SPATA7: variants seen among roughly 807,000 people sequenced by gnomAD.
SPATA7 encodes the protein spermatogenesis-associated protein 7.
SPATA7 carries 43 observed loss-of-function variants against 51.8 expected under a neutral mutation model. The ratio of observed to expected loss-of-function variants is 0.83; its 90% CI spans 0.65 to 1.07. The LOEUF (loss-of-function observed/expected upper bound fraction) is 1.07, where lower values mean the gene tolerates loss of function less well. Among genes scored for constraint, SPATA7 ranks in the 50% least tolerant of loss-of-function variants. The pLI is 0.00. For missense variants in SPATA7, 683 were observed against 701.3 expected (o/e 0.97, Z 0.30); for synonymous variants, 230 against 252.8 (o/e 0.91, Z 0.86).
At chr14:88,417,156 C>A (rs967632686) in intron 5 of SPATA7, among the ~76,000 whole-genome samples, 1 of 151,462 alleles carries the variant, frequency 6.6e-6, no homozygotes, top group Admixed American at 6.6e-5. Flanking sequence ...GTGATACCTT[C>A]GAACATCTGG....
chr14:88,469,053 C>G lies in SPATA7; in HGVS notation c.255-794C>G. 6.2e-7 allele frequency: 1 copy of G among 1,613,298 alleles called. No homozygotes were observed. Among genetic ancestry groups the G allele is most frequent in the Non-Finnish European group, 8.5e-7 (1 of 1,179,328 alleles). On this transcript the variant is annotated intron_variant, in intron 4 of 4. Transcript: ENST00000556406. This position sits in a 1 kb window ranked among gnomAD's most constrained non-coding sequence, Gnocchi z 4.3. ...CTTGTGCTATTTGTATGGCGTCGAA[C>G]AGACTGGATCTCTTCAAGATATGCT...
intron 3 of SPATA7, among the ~76,000 whole-genome samples, chr14:88,451,526 C>G (rs1206544475): frequency 7.1e-6 from 1 of 141,232 alleles, no homozygotes; most frequent in Non-Finnish European, 1.6e-5. Flanking sequence ...TATCCTATAT[C>G]TTTTTTTTTT....
chr14:88,427,674 A>T lies in SPATA7; in HGVS notation c.890A>T (p.Asp297Val), dbSNP rs769211713. The T allele has an allele frequency of 6.6e-5, 107 of 1,610,062 alleles. 1 individual carries two copies. The East Asian group carries it at 2.3e-3, about 35-fold the overall frequency. Residue 297 changes from aspartate (D) to valine (V), a missense_variant, in exon 7 of 12, where the codon GAT becomes GTT. By Grantham distance (152) the Asp-to-Val change is radical (BLOSUM62 -3). Transcript: ENST00000393545. ...ACAGCTGAGACTAAAAACATGACAG[A>T]TTCAGAAATGAACATAAAGCAGGTA... ...LGTAETKNMT[D>V]SEMNIKQASN... is the part of the protein sequence containing the mutation.
intron 10 of SPATA7, among the ~76,000 whole-genome samples, chr14:88,436,983 G>C (rs374628509): frequency 5.6e-4 from 85 of 151,472 alleles, no homozygotes; most frequent in African/African-American, 1.6e-3. Flanking sequence ...TATTTTGATA[G>C]GGATTGCATT....
At chr14:88,388,669 A>G (rs2075651131) in intron 1 of SPATA7, among the ~76,000 whole-genome samples, 1 of 152,228 alleles carries the variant, frequency 6.6e-6, no homozygotes, top group South Asian at 2.1e-4. Context: ...AGGCAGGAGC[A>G]TCACTTGAGG....
intron 3 of SPATA7, among the ~76,000 whole-genome samples, chr14:88,454,251 G>T (rs55904861): frequency 0.038 from 5,779 of 152,198 alleles, 360 homozygotes; most frequent in African/African-American, 0.13. Flanking sequence ...CCTGCGTTCC[G>T]TCACTTGTGG....
intron 3 of SPATA7, among the ~76,000 whole-genome samples, chr14:88,446,362 A>G (rs2140042488): frequency 6.6e-6 from 1 of 151,756 alleles, no homozygotes; most frequent in East Asian, 1.9e-4. Flanking sequence ...CATCTATTTG[A>G]TTCTTCTCTC....
intron 4 of SPATA7, among the ~76,000 whole-genome samples, chr14:88,402,776 G>A (rs577491411): frequency 1.3e-5 from 2 of 152,060 alleles, no homozygotes; most frequent in East Asian, 3.9e-4. Context: ...GACTCTGAAA[G>A]CCAGGCAACA....
intron 4 of SPATA7, 143 bp downstream of exon 4, chr14:88,396,346 C>A: frequency 1.5e-6 from 1 of 650,600 alleles, no homozygotes; most frequent in South Asian, 1.9e-5. Flanking sequence ...ATAACTACTA[C>A]CTCCAGAACT....
intron 1 of SPATA7, among the ~76,000 whole-genome samples, chr14:88,390,690 C>A (rs189946359): frequency 6.6e-6 from 1 of 152,274 alleles, no homozygotes; most frequent in East Asian, 1.9e-4. Context: ...GTTGAGTTGT[C>A]ATTTCCAGGT....
chr14:88,468,329 G>A, intron 4 of SPATA7: 1 of 1,455,406 alleles, frequency 6.9e-7, no homozygotes, highest in South Asian at 1.3e-5. Context: ...AGGATGGGAG[G>A]ACACGAGTGT....
intron 4 of SPATA7, among the ~76,000 whole-genome samples, chr14:88,400,198 TG>T (rs1212794502): frequency 5.9e-5 from 9 of 152,088 alleles, no homozygotes; most frequent in African/African-American, 2.2e-4. Flanking sequence ...CACAAATACA[TG>T]GCAACTAAAC....
chr14:88,394,886 G>A (rs73321811), intron 3 of SPATA7, among the ~76,000 whole-genome samples: 5,363 of 152,070 alleles, frequency 0.035, 312 homozygotes, highest in African/African-American at 0.12. Flanking sequence ...TAGTGATGTT[G>A]CCTTATTACT....
At position 88,460,474 on chromosome 14, in the gene SPATA7, GAT is replaced by G. The variant is rs539705118; in HGVS notation, c.255-9371_255-9370del. The stretch of plus-strand genomic sequence containing the variant: ...TTCATTCATTTGATCTTCAATCACT[GAT>G]ACCCTTTCTTCCAGTTGATCGAATC... On this transcript the variant is annotated intron_variant, in intron 4 of 4. Transcript: ENST00000556406. Among the ~76,000 whole-genome samples, 949 of 152,176 alleles carry G rather than the reference GAT, an allele frequency of 6.2e-3. 3 individuals carry two copies. Among genetic ancestry groups the G allele is most frequent in the Non-Finnish European group, 0.01 (707 of 68,006 alleles).
At chr14:88,435,623 GC>G (rs2077064953) in intron 10 of SPATA7, among the ~76,000 whole-genome samples, 1 of 151,920 alleles carries the variant, frequency 6.6e-6, no homozygotes, top group African/African-American at 2.4e-5. Context: ...TACTCTCTAT[GC>G]CCATGAGTTC....
In SPATA7 at chr14:88,395,143, C is replaced by T. The variant is rs536962861; in HGVS notation, c.191-1013C>T. ...ATTTAAAAATTGTATAGGGAGTTAC[C>T]ATATACCCTGTACTCTGCTCTTCCA... On this transcript the variant is annotated intron_variant, in intron 3 of 11. Coordinates refer to ENST00000393545, the MANE Select transcript of SPATA7 (RefSeq NM_018418.5). 4.6e-5 allele frequency among the ~76,000 whole-genome samples: 7 copies of T among 152,012 alleles called. No homozygotes were observed. The East Asian group carries it at 1.2e-3, about 25-fold the overall frequency.
chr14:88,469,493 A>T lies in SPATA7; in HGVS notation c.255-354A>T. Reference sequence around the variant, plus strand: ...CTGTCCTCGGAACAAAGTTAAAGTCACTCACATAAAAATCCCTTGAGGTCT... The same window carrying T: ...CTGTCCTCGGAACAAAGTTAAAGTCTCTCACATAAAAATCCCTTGAGGTCT... On this transcript the variant is annotated intron_variant, in intron 4 of 4. Coordinates refer to the SPATA7 transcript ENST00000556406. This position sits in a 1 kb window ranked among gnomAD's most constrained non-coding sequence, Gnocchi z 4.3. The T allele has an allele frequency of 1.9e-6, 3 of 1,601,914 alleles. No homozygotes were observed. The highest frequency in any genetic ancestry group is 2.6e-6 in the Non-Finnish European group (3 of 1,168,974).
rs942936781 is a variant in SPATA7, at chr14:88,431,091, T to A, written c.1029-81T>A. The A allele has an allele frequency of 3.4e-6, 4 of 1,188,638 alleles. No homozygotes were observed. The African/African-American group carries it at 6.0e-5, about 18-fold the overall frequency. 73.6% of individuals were successfully genotyped at this position (1,188,638 alleles called of 1,614,324 possible). ...CATCTAAGATAAGGGCTATTCAGTG[T>A]GTACTAATATACAATGTTATTGAGT... On this transcript the variant is annotated intron_variant, in intron 8 of 11. Coordinates refer to ENST00000393545, the MANE Select transcript of SPATA7 (RefSeq NM_018418.5).
intron 6 of SPATA7, among the ~76,000 whole-genome samples, chr14:88,427,074 T>C (rs79584445): frequency 0.011 from 1,638 of 152,330 alleles, 12 homozygotes; most frequent in Non-Finnish European, 0.016. Context: ...CAATGGGCTA[T>C]AGAGGGGAAG....
Sources: allele counts gnomAD v4.1 joint callset (sites outside exome capture counted in the v4.1 genomes callset), GRCh38; gene constraint gnomAD v4.1.1; non-coding constraint Gnocchi (gnomAD v3.1); transcripts MANE v1.5; gene names NCBI Gene and HGNC (gene_info 2026-07-23, HGNC 2026-07-21).